Variants in NT5DC3 observed in about 807,000 individuals in gnomAD.
NT5DC3 encodes the protein 5'-nucleotidase domain-containing protein 3.
In NT5DC3, 42 loss-of-function variants were observed where a neutral mutation model predicts 67.8. That is an observed-to-expected ratio of 0.62 (90% confidence interval 0.48 to 0.80). The LOEUF (loss-of-function observed/expected upper bound fraction) is 0.80. Ranked by LOEUF, NT5DC3 falls within the 30% of genes least tolerant of loss-of-function variation. The pLI, the probability that NT5DC3 is intolerant of heterozygous loss-of-function variation, is 0.00. For missense variants in NT5DC3, 570 were observed against 696.4 expected, an observed-to-expected ratio of 0.82 and a Z score of 2.04; for synonymous variants, 237 against 255.6, an observed-to-expected ratio of 0.93 and a Z score of 0.69.
intron 9 of NT5DC3, among the ~76,000 whole-genome samples, chr12:103,789,885 A>G (rs1885965935): frequency 6.6e-6 from 1 of 152,238 alleles, no homozygotes; most frequent in African/African-American, 2.4e-5. Flanking sequence ...TACGCAACCC[A>G]GAATTCTAGA....
At chr12:103,787,890 C>A (rs1339410686) in intron 10 of NT5DC3, among the ~76,000 whole-genome samples, 2 of 60,062 alleles carry the variant, frequency 3.3e-5, no homozygotes, top group Non-Finnish European at 7.1e-5. Flanking sequence ...TCATGATAAA[C>A]ATTCTCATAG....
At chr12:103,764,473 G>C in the NT5DC3 span, among the ~76,000 whole-genome samples, 1 of 152,118 alleles carries the variant, frequency 6.6e-6, no homozygotes, top group Non-Finnish European at 1.5e-5. Context: ...CATCAATCCA[G>C]GGGGACCCCT....
At chr12:103,829,543 A>G (rs1887836674) in intron 1 of NT5DC3, among the ~76,000 whole-genome samples, 1 of 152,238 alleles carries the variant, frequency 6.6e-6, no homozygotes, top group African/African-American at 2.4e-5. Context: ...CATCTCTTAT[A>G]AACAGCATCC....
the NT5DC3 span, among the ~76,000 whole-genome samples, chr12:103,757,032 A>AT: frequency 7.5e-5 from 10 of 132,992 alleles, no homozygotes; most frequent in Non-Finnish European, 1.6e-4. Context: ...TATATATATA[A>AT]AATATATATA....
chr12:103,837,403 A>G (rs985445264), intron 1 of NT5DC3, among the ~76,000 whole-genome samples: 8 of 152,178 alleles, frequency 5.3e-5, no homozygotes, highest in Non-Finnish European at 1.2e-4. Context: ...ACTTATGCAA[A>G]TTTCTGCAGG....
At chr12:103,768,651 G>C (rs1885116330), downstream of NT5DC3, among the ~76,000 whole-genome samples, 1 of 137,514 alleles carries the variant, frequency 7.3e-6, no homozygotes, top group Non-Finnish European at 1.6e-5. Context: ...GAGAGAGAGA[G>C]AGGGAAAGAG....
At chr12:103,819,967 C>T (rs1220175992) in intron 1 of NT5DC3, among the ~76,000 whole-genome samples, 1 of 152,198 alleles carries the variant, frequency 6.6e-6, no homozygotes, top group Non-Finnish European at 1.5e-5. Context: ...ACTACCGCTC[C>T]ACTTTCTGTC....
Position 103,786,166 on chromosome 12 carries a change from A to G in NT5DC3, c.1189-691T>C, listed in dbSNP as rs565960258. Among the ~76,000 whole-genome samples, 18 of 152,292 alleles carry G rather than the reference A, an allele frequency of 1.2e-4. No individual in the cohort carries two copies. In the South Asian group the frequency reaches 2.1e-3, roughly 18 times the overall value. On this transcript the variant is annotated intron_variant, in intron 11 of 13. Coordinates refer to ENST00000392876, the MANE Select transcript of NT5DC3 (RefSeq NM_001031701.3). ...CCCTCGTGGAAAATACAGACAATAA[A>G]TAAGTAAAATACACAATGGCAGGTG...
chr12:103,824,436 C>T (rs575581385), intron 1 of NT5DC3, among the ~76,000 whole-genome samples: 39 of 152,122 alleles, frequency 2.6e-4, no homozygotes, highest in Non-Finnish European at 4.4e-4. Flanking sequence ...TGCTCCAATC[C>T]TTATGTAAGA....
In NT5DC3 at chr12:103,806,899, C is replaced by A; in HGVS notation, c.424G>T (p.Asp142Tyr). 1.9e-6 allele frequency: 3 copies of A among 1,608,876 alleles called. No individual in the cohort carries two copies. The South Asian group carries it at 3.3e-5, about 18-fold the overall frequency. Residue 142 changes from aspartate (D) to tyrosine (Y), a missense_variant, in exon 3 of 14, where the codon GAC (aspartate) becomes TAC (tyrosine). This residue lies in a region of NT5DC3 where 466 missense variants were observed against 608.0 expected (regional missense o/e 0.77). Transcript: ENST00000392876. ...YPAEIRKYEY[D>Y]PNFAIRGLHY... is the part of the protein sequence containing the mutation. ...AGTCCACGAATTGCAAAATTTGGGT[C>A]ATACTCATACTTCCTGATTTCTGCT...
At chr12:103,750,842 A>AAGTATTGGGAT in the NT5DC3 span, 1 of 1,337,892 alleles carries the variant, frequency 7.5e-7, no homozygotes, top group Non-Finnish European at 9.9e-7. Context: ...TGTAATCCCA[A>AAGTATTGGGAT]TACTTTGGGA....
At chr12:103,764,602 G>A in the NT5DC3 span, among the ~76,000 whole-genome samples, 1 of 152,152 alleles carries the variant, frequency 6.6e-6, no homozygotes, top group Non-Finnish European at 1.5e-5. Context: ...TATAAAAGGA[G>A]AGAAATGTTT....
At chr12:103,785,550 G>A in intron 11 of NT5DC3, 75 bp from the exon 12 acceptor site, 2 of 1,439,626 alleles carry the variant, frequency 1.4e-6, no homozygotes, top group Non-Finnish European at 2.0e-6. Context: ...TCCCAGACAT[G>A]AGAGGCATTC....
At chr12:103,756,622 G>A in the NT5DC3 span, among the ~76,000 whole-genome samples, 1 of 152,178 alleles carries the variant, frequency 6.6e-6, no homozygotes, top group African/African-American at 2.4e-5. Flanking sequence ...CAGACTGCCT[G>A]GTTCCAGCCT....
At chr12:103,787,117 C>T (rs1885819036) in intron 11 of NT5DC3, among the ~76,000 whole-genome samples, 2 of 151,706 alleles carry the variant, frequency 1.3e-5, no homozygotes, top group Non-Finnish European at 2.9e-5. Flanking sequence ...TTTGATGCAT[C>T]GATGAAAGGA....
the NT5DC3 span, among the ~76,000 whole-genome samples, chr12:103,757,545 C>T: frequency 6.6e-6 from 1 of 152,240 alleles, no homozygotes; most frequent in Non-Finnish European, 1.5e-5. Flanking sequence ...GGGGGCACCC[C>T]AGGGTCCCCC....
Position 103,787,778 on chromosome 12 carries a change from T to C in NT5DC3, c.1102-251A>G, listed in dbSNP as rs1885859103. On this transcript the variant is annotated intron_variant, in intron 10 of 13. Transcript: ENST00000392876. The stretch of plus-strand genomic sequence containing the variant: ...AACATGCTGTGGCCATCTTCCCATG[T>C]CAATAGTCTACCATGTAATGATAGC... Among the ~76,000 whole-genome samples, 4 of 152,320 alleles carry C rather than the reference T, an allele frequency of 2.6e-5. No homozygotes were observed. The South Asian group carries it at 8.3e-4, about 32-fold the overall frequency.
chr12:103,758,685 G>A, the NT5DC3 span, among the ~76,000 whole-genome samples: 1 of 152,218 alleles, frequency 6.6e-6, no homozygotes, highest in Non-Finnish European at 1.5e-5. Flanking sequence ...AGCATGGGGG[G>A]CAAAGGGCCA....
At chr12:103,834,459 C>T (rs1347223180) in intron 1 of NT5DC3, among the ~76,000 whole-genome samples, 3 of 151,934 alleles carry the variant, frequency 2.0e-5, no homozygotes, top group East Asian at 1.9e-4. Context: ...CTAAAGAAGC[C>T]GAACAGACAC....
Sources: allele counts gnomAD v4.1 joint callset (sites outside exome capture counted in the v4.1 genomes callset), GRCh38; gene constraint gnomAD v4.1.1; regional missense constraint gnomAD v4.1.1; transcripts MANE v1.5; gene names NCBI Gene and HGNC (gene_info 2026-07-23, HGNC 2026-07-21).